TAFA5: variants seen among roughly 807,000 people sequenced by gnomAD.
TAFA5 encodes TAFA chemokine like family member 5, also known as chemokine-like protein TAFA-5.
In TAFA5, 6 loss-of-function variants were observed where a neutral mutation model predicts 15.3. That is an observed-to-expected ratio of 0.39 (90% CI 0.21 to 0.77). TAFA5 has a LOEUF of 0.77. Among genes scored for constraint, TAFA5 ranks in the 30% least tolerant of loss-of-function variants. The pLI is 0.41. For synonymous variants in TAFA5, 103 were observed against 80.7 expected (o/e 1.28, Z -1.48); for missense variants, 161 against 193.1 (o/e 0.83, Z 0.98).
Position 48,655,851 on chromosome 22 carries a change from T to TTG in TAFA5, c.262+9106_262+9107insGT, listed in dbSNP as rs1361152470. On this transcript the variant is annotated intron_variant, in intron 2 of 3. Transcript: ENST00000402357. ...GATTCTTTTTTTTTTTTTTTTTTTT[T>TTG]TTTTTTGAGACAGAGTCTCGCTCTG... Among the ~76,000 whole-genome samples, 773 of 141,986 alleles carry TTG rather than the reference T, an allele frequency of 5.4e-3. 6 individuals carry two copies. The highest frequency in any genetic ancestry group is 0.012 in the South Asian group (52 of 4,186). 93.1% of individuals were successfully genotyped at this position (141,986 alleles called of 152,430 possible).
At chr22:48,677,522 C>A (rs527770336) in intron 2 of TAFA5, among the ~76,000 whole-genome samples, 17 of 152,342 alleles carry the variant, frequency 1.1e-4, no homozygotes, top group African/African-American at 3.8e-4. Flanking sequence ...GGCCAATCAG[C>A]TGGCCAGGAA....
chr22:48,621,650 A>G (rs1312779220), intron 1 of TAFA5, among the ~76,000 whole-genome samples: 1 of 152,212 alleles, frequency 6.6e-6, no homozygotes, highest in Non-Finnish European at 1.5e-5. Flanking sequence ...AGAGTGGCCC[A>G]GCCTGCGGCA....
At chr22:48,747,046 C>T (rs980559570) in intron 3 of TAFA5, among the ~76,000 whole-genome samples, 3 of 152,156 alleles carry the variant, frequency 2.0e-5, no homozygotes, top group African/African-American at 7.2e-5. Context: ...GCTAGGAGGG[C>T]GGAGGGCAGG....
At chr22:48,749,060 G>A (rs184964786) in intron 3 of TAFA5, among the ~76,000 whole-genome samples, 34 of 152,272 alleles carry the variant, frequency 2.2e-4, no homozygotes, top group Admixed American at 2.0e-3. Flanking sequence ...GAATACTCCC[G>A]GGGCCAGATG....
At chr22:48,655,290 T>G (rs1927195799) in intron 2 of TAFA5, among the ~76,000 whole-genome samples, 1 of 152,240 alleles carries the variant, frequency 6.6e-6, no homozygotes, top group East Asian at 1.9e-4. Flanking sequence ...TGTGCTTCAG[T>G]CATTAGAAAA....
intron 2 of TAFA5, among the ~76,000 whole-genome samples, chr22:48,672,397 G>A (rs903724132): frequency 6.6e-6 from 1 of 152,172 alleles, no homozygotes; most frequent in Non-Finnish European, 1.5e-5. Context: ...TTCTTTTATT[G>A]CCCTAAGGAA....
At chr22:48,700,391 T>C (rs1045630670) in intron 2 of TAFA5, among the ~76,000 whole-genome samples, 1 of 152,044 alleles carries the variant, frequency 6.6e-6, no homozygotes, top group Admixed American at 6.5e-5. Context: ...GGGGAGAGTG[T>C]ACCCAGGTAC....
intron 1 of TAFA5, chr22:48,576,298 CT>C: frequency 7.8e-6 from 9 of 1,160,078 alleles, no homozygotes; most frequent in African/African-American, 1.6e-5. Flanking sequence ...CCCCTCCCCC[CT>C]GCCCAGAAAG....
At chr22:48,603,295 C>T (rs1045492414) in intron 1 of TAFA5, among the ~76,000 whole-genome samples, 1 of 152,252 alleles carries the variant, frequency 6.6e-6, no homozygotes, top group African/African-American at 2.4e-5. Context: ...CATGGCGTTG[C>T]TGGGCCCACC....
intron 1 of TAFA5, among the ~76,000 whole-genome samples, chr22:48,511,890 C>T (rs773847014): frequency 2.0e-5 from 3 of 152,228 alleles, no homozygotes; most frequent in Admixed American, 6.5e-5. Context: ...AGGCGGGCTC[C>T]CGGAAAGGGC....
At chr22:48,747,166 G>T (rs941361359) in intron 3 of TAFA5, among the ~76,000 whole-genome samples, 36 of 152,224 alleles carry the variant, frequency 2.4e-4, no homozygotes, top group African/African-American at 8.4e-4. Flanking sequence ...GAACTAAGGG[G>T]CCCTGGGACT....
At chr22:48,730,186 C>T (rs1929830196) in intron 3 of TAFA5, among the ~76,000 whole-genome samples, 1 of 152,130 alleles carries the variant, frequency 6.6e-6, no homozygotes, top group Admixed American at 6.5e-5. Context: ...AGATTGAGAC[C>T]ATCCTGGCCA....
chr22:48,714,113 G>A (rs939436575), intron 3 of TAFA5, among the ~76,000 whole-genome samples: 15 of 152,210 alleles, frequency 9.9e-5, no homozygotes, highest in Admixed American at 7.9e-4. Flanking sequence ...TCCGTGGCCC[G>A]CACACTGAGC....
chr22:48,704,034 G>C (rs150615854), intron 2 of TAFA5, among the ~76,000 whole-genome samples: 1 of 152,222 alleles, frequency 6.6e-6, no homozygotes, highest in South Asian at 2.1e-4. Context: ...GCCCCGTTCA[G>C]CTCAAGATGA....
chr22:48,570,611 C>T (rs1416648255), intron 1 of TAFA5, among the ~76,000 whole-genome samples: 2 of 152,178 alleles, frequency 1.3e-5, no homozygotes, highest in African/African-American at 2.4e-5. Context: ...GTCAGGACCT[C>T]GTCACTTTCC....
In TAFA5 at chr22:48,560,703, G is replaced by A. The variant is rs1923202667; in HGVS notation, c.112+70999G>A. ...GGCTCACTGCATCCTCTGCCTCCCG[G>A]GTTCAAGCAATTCTCCCGCCTCAGC... is the stretch of plus-strand genomic sequence containing the variant. On this transcript the variant is annotated intron_variant, in intron 1 of 3. Transcript: ENST00000402357. The surrounding 1 kb of genome is among the most constrained non-coding windows in gnomAD (Gnocchi z 4.2). Among the ~76,000 whole-genome samples, 1 of 151,936 alleles carries A rather than the reference G, an allele frequency of 6.6e-6. No individual in the cohort carries two copies. The highest frequency in any genetic ancestry group is 2.4e-5 in the African/African-American group (1 of 41,350).
chr22:48,499,047 G>A (rs746808510), intron 1 of TAFA5, among the ~76,000 whole-genome samples: 1 of 152,196 alleles, frequency 6.6e-6, no homozygotes, highest in South Asian at 2.1e-4. Flanking sequence ...AGCTCCTGCA[G>A]GCTCAGTGCA....
chr22:48,713,835 G>A (rs1023045574), intron 3 of TAFA5, among the ~76,000 whole-genome samples: 4 of 152,234 alleles, frequency 2.6e-5, no homozygotes, highest in Non-Finnish European at 5.9e-5. Context: ...GCATCTGTGC[G>A]GTAGCAAGCT....
intron 1 of TAFA5, among the ~76,000 whole-genome samples, chr22:48,504,059 C>T (rs969650524): frequency 6.6e-6 from 1 of 152,226 alleles, no homozygotes; most frequent in Non-Finnish European, 1.5e-5. Flanking sequence ...CAGTTGCTCA[C>T]TCTTCATTTC....
Sources: gnomAD v4.1 joint callset for allele counts (sites outside exome capture counted in the v4.1 genomes callset) on GRCh38, gnomAD v4.1.1 for gene constraint, Gnocchi (gnomAD v3.1) non-coding constraint, MANE v1.5 for transcripts, NCBI Gene and HGNC (gene_info 2026-07-23, HGNC 2026-07-21) for gene names.